The following PDE1A variants were observed in gnomAD, a reference collection of about 807,000 sequenced individuals.
The protein encoded by PDE1A is dual specificity calcium/calmodulin-dependent 3',5'-cyclic nucleotide phosphodiesterase 1A.
In PDE1A, 35 loss-of-function variants were observed where a neutral mutation model predicts 61.7. That is an observed-to-expected ratio of 0.57 (90% CI 0.43 to 0.75). The LOEUF (loss-of-function observed/expected upper bound fraction) is 0.75. PDE1A is among the 30% of genes least tolerant of loss of function. The pLI is 0.00. For missense variants in PDE1A, 597 were observed against 630.6 expected (o/e 0.95, Z 0.57); for synonymous variants, 232 against 213.2 (o/e 1.09, Z -0.77).
chr2:182,205,859 C>G (rs116644185), intron 8 of PDE1A, 81 bp downstream of exon 8: 2 of 1,290,310 alleles, frequency 1.6e-6, no homozygotes, highest in Middle Eastern at 2.1e-4. Context: ...CATCGACTTT[C>G]ATCTTTTTTC....
chr2:182,549,860 T>C, the PDE1A span, among the ~76,000 whole-genome samples: 3 of 152,204 alleles, frequency 2.0e-5, no homozygotes, highest in Admixed American at 6.5e-5. Flanking sequence ...GTTTTATAAA[T>C]AGTAACATTT....
rs192574815 is a variant in PDE1A at position 182,496,576 on chromosome 2, G to A, written c.101+25700C>T. Among the ~76,000 whole-genome samples, 183 of 152,320 alleles carry A rather than the reference G, an allele frequency of 1.2e-3. 1 individual carries two copies. The South Asian group carries it at 0.017, about 14-fold the overall frequency. ...GGGCCATTTTAGCTAGGCTTCTAAC[G>A]TGAATTAGGTACTGCCAATTGAAAG... On this transcript the variant is annotated intron_variant, in intron 2 of 14. Coordinates refer to the PDE1A transcript ENST00000410103.
At chr2:182,197,891 T>G (rs1227847239) in intron 10 of PDE1A, among the ~76,000 whole-genome samples, 4 of 151,936 alleles carry the variant, frequency 2.6e-5, no homozygotes, top group African/African-American at 9.7e-5. Context: ...TGCCTTAGAC[T>G]CTTATATTTC....
chr2:182,546,734 C>T, the PDE1A span, among the ~76,000 whole-genome samples: 1 of 152,116 alleles, frequency 6.6e-6, no homozygotes, highest in Non-Finnish European at 1.5e-5. Context: ...AAACCAATAC[C>T]AGAGGAACAA....
the PDE1A span, among the ~76,000 whole-genome samples, chr2:182,594,242 T>C: frequency 1.3e-5 from 2 of 152,346 alleles, no homozygotes; most frequent in Middle Eastern, 6.8e-3. Context: ...GATTTATTTA[T>C]TTCTAGATTG....
intron 2 of PDE1A, among the ~76,000 whole-genome samples, chr2:182,262,166 TCTTTCTTTCC>T (rs1692265327): frequency 6.6e-6 from 1 of 152,038 alleles, no homozygotes; most frequent in African/African-American, 2.4e-5. Flanking sequence ...TTCTTTCTCT[TCTTTCTTTCC>T]CTTTCTTTCC....
intron 2 of PDE1A, among the ~76,000 whole-genome samples, chr2:182,518,143 G>A (rs1690332218): frequency 6.6e-6 from 1 of 152,156 alleles, no homozygotes; most frequent in South Asian, 2.1e-4. Context: ...TCAAATTTGT[G>A]TCTTATCTAT....
chr2:182,374,548 T>A (rs763901203), intron 1 of PDE1A, among the ~76,000 whole-genome samples: 3 of 152,066 alleles, frequency 2.0e-5, no homozygotes, highest in Non-Finnish European at 4.4e-5. Flanking sequence ...AAAATTCAAG[T>A]AAGAATTAGA....
intron 1 of PDE1A, among the ~76,000 whole-genome samples, chr2:182,366,573 T>G (rs79786598): frequency 6.6e-6 from 1 of 152,148 alleles, no homozygotes; most frequent in East Asian, 1.9e-4. Context: ...CATAAAATTT[T>G]GAAAGTACTA....
chr2:182,295,895 T>A (rs904141781), intron 1 of PDE1A, among the ~76,000 whole-genome samples: 1 of 152,178 alleles, frequency 6.6e-6, no homozygotes, highest in Non-Finnish European at 1.5e-5. Flanking sequence ...TTTCCAATAT[T>A]TGAGCATTAG....
intron 1 of PDE1A, among the ~76,000 whole-genome samples, chr2:182,424,790 T>A (rs1703500688): frequency 6.6e-6 from 1 of 152,176 alleles, no homozygotes; most frequent in Non-Finnish European, 1.5e-5. Flanking sequence ...CAATGCCAAC[T>A]GTCAATGTGC....
the PDE1A span, among the ~76,000 whole-genome samples, chr2:182,712,027 A>G: frequency 6.6e-6 from 1 of 152,208 alleles, no homozygotes. Context: ...ACTACCAACA[A>G]TGAGACGAAT....
chr2:182,236,431 A>T (rs1178264391), intron 3 of PDE1A, among the ~76,000 whole-genome samples: 1 of 151,740 alleles, frequency 6.6e-6, no homozygotes, highest in Non-Finnish European at 1.5e-5. Context: ...GGGGAAATGG[A>T]AGGATGATGA....
intron 2 of PDE1A, among the ~76,000 whole-genome samples, chr2:182,485,755 C>G (rs1559504924): frequency 6.6e-6 from 1 of 151,840 alleles, no homozygotes; most frequent in Non-Finnish European, 1.5e-5. Context: ...TATCATTGTC[C>G]TAATAGATGC....
chr2:182,393,588 A>G (rs1461820645), intron 1 of PDE1A, among the ~76,000 whole-genome samples: 1 of 152,162 alleles, frequency 6.6e-6, no homozygotes, highest in African/African-American at 2.4e-5. Context: ...AAATTTTTCA[A>G]ACTCTATGCT....
intron 2 of PDE1A, among the ~76,000 whole-genome samples, chr2:182,487,821 AT>A: frequency 6.6e-6 from 1 of 152,310 alleles, no homozygotes; most frequent in South Asian, 2.1e-4. Context: ...TAAAACTGTC[AT>A]TATTAAACCA....
intron 7 of PDE1A, 74 bp from the exon 8 acceptor site, chr2:182,206,139 G>T: frequency 8.2e-7 from 1 of 1,218,698 alleles, no homozygotes; most frequent in Non-Finnish European, 1.1e-6. Context: ...ACTTACTCAA[G>T]TATCAAGTCA....
chr2:182,592,479 C>T, the PDE1A span, among the ~76,000 whole-genome samples: 1 of 152,180 alleles, frequency 6.6e-6, no homozygotes, highest in Non-Finnish European at 1.5e-5. Flanking sequence ...AACTTGGTTA[C>T]GTATCTTCCC....
the PDE1A span, among the ~76,000 whole-genome samples, chr2:182,598,539 C>A: frequency 1.3e-5 from 2 of 148,918 alleles, no homozygotes; most frequent in African/African-American, 5.0e-5. Context: ...CTCCAGCCTG[C>A]GTGATGGAGC....
Sources: gnomAD v4.1 joint callset for allele counts (sites outside exome capture counted in the v4.1 genomes callset) on GRCh38, gnomAD v4.1.1 for gene constraint, MANE v1.5 for transcripts, NCBI Gene and HGNC (gene_info 2026-07-23, HGNC 2026-07-21) for gene names.